EYS: variants seen among roughly 807,000 people sequenced by gnomAD.
EYS encodes the protein EGF-like photoreceptor maintenance factor.
In EYS, 250 loss-of-function variants were observed where a neutral mutation model predicts 282.1. That is an observed-to-expected ratio of 0.89 (90% CI 0.80 to 0.98). The LOEUF (loss-of-function observed/expected upper bound fraction) is 0.98. Among genes scored for constraint, EYS ranks in the 50% least tolerant of loss-of-function variants. EYS has a pLI of 0.00. For missense variants in EYS, 4,016 were observed against 3,709.0 expected (o/e 1.08, Z -2.15); for synonymous variants, 1,355 against 1,282.9 (o/e 1.06, Z -1.20).
intron 30 of EYS, among the ~76,000 whole-genome samples, chr6:64,304,431 C>T (rs1337311081): frequency 6.6e-6 from 1 of 152,162 alleles, no homozygotes; most frequent in Non-Finnish European, 1.5e-5. Flanking sequence ...AACAAACCAA[C>T]TAGATCTAAC....
chr6:63,977,297 G>T (rs1302330879), intron 35 of EYS, among the ~76,000 whole-genome samples: 1 of 151,866 alleles, frequency 6.6e-6, no homozygotes, highest in East Asian at 1.9e-4. Context: ...TTTGTGTCAA[G>T]AACATTCCAA....
chr6:64,562,572 G>A (rs925164980), intron 26 of EYS, among the ~76,000 whole-genome samples: 1 of 151,814 alleles, frequency 6.6e-6, no homozygotes, highest in Admixed American at 6.6e-5. Flanking sequence ...GGCTTAGAGT[G>A]AGGAAAGCAA....
At chr6:64,634,496 G>T (rs577512840) in intron 22 of EYS, among the ~76,000 whole-genome samples, 2 of 147,518 alleles carry the variant, frequency 1.4e-5, no homozygotes, top group African/African-American at 5.0e-5. Flanking sequence ...CTTCTGGGCT[G>T]ATTTATGAGT....
intron 26 of EYS, among the ~76,000 whole-genome samples, chr6:64,541,452 T>C (rs183255182): frequency 3.3e-5 from 5 of 152,306 alleles, no homozygotes; most frequent in Admixed American, 3.3e-4. Flanking sequence ...AAAAGAGTGG[T>C]CATCTACCTC....
chr6:64,664,128 C>T (rs560327097), intron 22 of EYS, among the ~76,000 whole-genome samples: 2 of 152,218 alleles, frequency 1.3e-5, no homozygotes, highest in Non-Finnish European at 2.9e-5. Flanking sequence ...CTGGAACAAA[C>T]ATGGACCAGC....
At chr6:63,777,940 CAGAGT>C in intron 40 of EYS, 61 bp downstream of exon 40, 1 of 1,371,328 alleles carries the variant, frequency 7.3e-7, no homozygotes, top group Non-Finnish European at 1.0e-6. Context: ...AGTGGAATGA[CAGAGT>C]GGAGTACCAG....
chr6:65,048,752 C>G (rs1364095660), intron 13 of EYS, among the ~76,000 whole-genome samples: 1 of 151,822 alleles, frequency 6.6e-6, no homozygotes, highest in Non-Finnish European at 1.5e-5. Context: ...TTCCCTAAAG[C>G]AACAATCCAT....
intron 26 of EYS, among the ~76,000 whole-genome samples, chr6:64,469,966 C>T (rs900084865): frequency 1.3e-5 from 2 of 152,174 alleles, no homozygotes; most frequent in Non-Finnish European, 2.9e-5. Context: ...CTGTTTCTCT[C>T]TCTCCCTCTC....
intron 13 of EYS, among the ~76,000 whole-genome samples, chr6:65,046,437 C>G (rs1164271686): frequency 6.6e-6 from 1 of 151,816 alleles, no homozygotes; most frequent in East Asian, 1.9e-4. Flanking sequence ...CTTTTTATAG[C>G]TTTCCTTATT....
chr6:64,183,445 TAACAC>T (rs1764846507), intron 31 of EYS, among the ~76,000 whole-genome samples: 1 of 152,164 alleles, frequency 6.6e-6, no homozygotes, highest in Admixed American at 6.6e-5. Flanking sequence ...TCCTGGCACT[TAACAC>T]AGGACATGGC....
At chr6:64,236,739 C>A (rs1208044478) in intron 30 of EYS, among the ~76,000 whole-genome samples, 1 of 146,560 alleles carries the variant, frequency 6.8e-6, no homozygotes, top group Non-Finnish European at 1.5e-5. Flanking sequence ...AATTTGCTTT[C>A]TATTTCTTTC....
intron 35 of EYS, among the ~76,000 whole-genome samples, chr6:63,918,096 T>C (rs1200629951): frequency 6.6e-6 from 1 of 152,232 alleles, no homozygotes; most frequent in Non-Finnish European, 1.5e-5. Flanking sequence ...CAATCTGTAA[T>C]GCAGATAATA....
At chr6:65,371,695 C>T (rs557492937) in intron 8 of EYS, among the ~76,000 whole-genome samples, 158 of 116,870 alleles carry the variant, frequency 1.4e-3, no homozygotes, top group African/African-American at 5.1e-3. Context: ...TCAAATTCCT[C>T]TCTCTCTCTC....
chr6:64,685,889 T>C (rs996367553), intron 22 of EYS, among the ~76,000 whole-genome samples: 7 of 152,146 alleles, frequency 4.6e-5, no homozygotes, highest in Non-Finnish European at 8.8e-5. Flanking sequence ...GGTGATAACA[T>C]GCTGGGCTAC....
chr6:63,961,330 C>A (rs1766049249), intron 35 of EYS, among the ~76,000 whole-genome samples: 1 of 152,132 alleles, frequency 6.6e-6, no homozygotes, highest in Non-Finnish European at 1.5e-5. Flanking sequence ...TGAAATTCCA[C>A]CATCGTGATT....
intron 11 of EYS, among the ~76,000 whole-genome samples, chr6:65,319,517 C>T (rs1477544606): frequency 6.6e-6 from 1 of 152,038 alleles, no homozygotes; most frequent in Non-Finnish European, 1.5e-5. Context: ...TGTCCTGATA[C>T]TTGGCCTTAC....
chr6:63,783,961 G>C (rs548263596), intron 39 of EYS, among the ~76,000 whole-genome samples: 9 of 152,076 alleles, frequency 5.9e-5, no homozygotes, highest in African/African-American at 2.2e-4. Context: ...AATGTGGGTG[G>C]GCCTCATTCA....
chr6:64,046,893 T>C (rs1485947440), intron 33 of EYS, among the ~76,000 whole-genome samples: 1 of 152,212 alleles, frequency 6.6e-6, no homozygotes, highest in Admixed American at 6.5e-5. Context: ...TTGAAGTTTG[T>C]AGGACAGAGG....
At chr6:64,015,117 A>T (rs1377175061) in intron 33 of EYS, among the ~76,000 whole-genome samples, 2 of 152,186 alleles carry the variant, frequency 1.3e-5, no homozygotes, top group Non-Finnish European at 2.9e-5. Context: ...GAAAAATTTA[A>T]TTGAATAAGT....
Sources: allele counts gnomAD v4.1 joint callset (sites outside exome capture counted in the v4.1 genomes callset), GRCh38; gene constraint gnomAD v4.1.1; transcripts MANE v1.5; gene names NCBI Gene and HGNC (gene_info 2026-07-23, HGNC 2026-07-21).